Variants in KIF13A observed in about 807,000 individuals in gnomAD.
The protein encoded by KIF13A is kinesin family member 13A, also known as kinesin-like protein KIF13A.
A neutral mutation model predicts 212.2 loss-of-function variants in KIF13A; 79 were observed. That is an observed-to-expected ratio of 0.37 (90% CI 0.31 to 0.45). KIF13A has a LOEUF of 0.45. Among genes scored for constraint, KIF13A ranks in the 20% least tolerant of loss-of-function variants. The probability of loss-of-function intolerance (pLI) is 1.00; values close to 1 mark genes in which losing one functional copy is unlikely to be tolerated. For synonymous variants in KIF13A, 789 were observed against 808.6 expected (o/e 0.98, Z 0.41); for missense variants, 1,901 against 2,209.0 (o/e 0.86, Z 2.79).
At chr6:17,870,164 T>C (rs1001870188) in intron 4 of KIF13A, among the ~76,000 whole-genome samples, 11 of 152,226 alleles carry the variant, frequency 7.2e-5, no homozygotes, top group African/African-American at 2.4e-4. Context: ...AGCATCATAG[T>C]ATTTGTATGA....
chr6:17,975,532 T>C (rs1011194175), intron 2 of KIF13A, among the ~76,000 whole-genome samples: 4 of 152,068 alleles, frequency 2.6e-5, no homozygotes, highest in African/African-American at 7.3e-5. Context: ...ACATAATTCA[T>C]TGCAAAGACC....
At position 17,886,814 on chromosome 6, in the gene KIF13A, A is replaced by AACAACC. The variant is rs1458638966; in HGVS notation, c.159+11348_159+11353dup. On this transcript the variant is annotated intron_variant, in intron 3 of 38. Coordinates refer to ENST00000259711, the MANE Select transcript of KIF13A (RefSeq NM_022113.6). This position sits in a 1 kb window ranked among gnomAD's most constrained non-coding sequence, Gnocchi z 5.6. ...CGAAACTCCATCTCAAAACAACAAC[A>AACAACC]ACAACCACAACTACTAACAACCACC... Among the ~76,000 whole-genome samples, 2 of 151,996 alleles carry AACAACC rather than the reference A, an allele frequency of 1.3e-5. No individual in the cohort carries two copies. Among genetic ancestry groups the AACAACC allele is most frequent in the African/African-American group, 4.8e-5 (2 of 41,380 alleles).
intron 2 of KIF13A, among the ~76,000 whole-genome samples, chr6:17,940,164 TTCC>T (rs145026644): frequency 0.017 from 2,590 of 151,868 alleles, 77 homozygotes; most frequent in African/African-American, 0.059. Context: ...CTTCTTTCCT[TTCC>T]TCCTCCTCCT....
intron 2 of KIF13A, among the ~76,000 whole-genome samples, chr6:17,975,390 A>T (rs1161054796): frequency 6.6e-6 from 1 of 152,122 alleles, no homozygotes; most frequent in East Asian, 1.9e-4. Flanking sequence ...ACAAATCTTA[A>T]GTTGGCGCGT....
intron 2 of KIF13A, among the ~76,000 whole-genome samples, chr6:17,905,723 C>T (rs1005036541): frequency 3.3e-5 from 5 of 152,070 alleles, no homozygotes; most frequent in African/African-American, 1.2e-4. Flanking sequence ...AAATGTTATC[C>T]CAATAGGGGG....
chr6:17,862,352 C>G (rs1218514430), intron 4 of KIF13A, among the ~76,000 whole-genome samples: 2 of 152,116 alleles, frequency 1.3e-5, no homozygotes, highest in Non-Finnish European at 1.5e-5. Flanking sequence ...CAGTATAAAT[C>G]TAGAATATAT....
Position 17,816,995 on chromosome 6 carries a change from G to C in KIF13A, c.2000+25C>G. On this transcript the variant is annotated intron_variant, in intron 17 of 38. Transcript: ENST00000259711. The surrounding 1 kb of genome is among the most constrained non-coding windows in gnomAD (Gnocchi z 4.3). Reference sequence around the variant, plus strand: ...CCCACGGCCTTGGGGCCTTGACTCTGGGCTGCCCCCGCTGCAGTTCTTACC... The same window carrying C: ...CCCACGGCCTTGGGGCCTTGACTCTCGGCTGCCCCCGCTGCAGTTCTTACC... The C allele has an allele frequency of 6.3e-7, 1 of 1,584,112 alleles. No homozygotes were observed. The highest frequency in any genetic ancestry group is 8.6e-7 in the Non-Finnish European group (1 of 1,165,324).
intron 16 of KIF13A, chr6:17,821,821 A>T: frequency 1.3e-6 from 2 of 1,535,326 alleles, no homozygotes; most frequent in Non-Finnish European, 1.7e-6. Flanking sequence ...CTTCGTCTGA[A>T]ACCACATGAG....
intron 2 of KIF13A, among the ~76,000 whole-genome samples, chr6:17,906,028 T>C (rs896059358): frequency 6.6e-6 from 1 of 152,206 alleles, no homozygotes; most frequent in East Asian, 1.9e-4. Context: ...AGGGGTTACA[T>C]AAGCATCTGG....
chr6:17,835,825 T>C (rs1277490937), intron 11 of KIF13A, among the ~76,000 whole-genome samples: 2 of 152,240 alleles, frequency 1.3e-5, no homozygotes, highest in Non-Finnish European at 2.9e-5. Flanking sequence ...ATTAACATAG[T>C]GCCTGGCATG....
chr6:17,931,403 T>C (rs1302105174), intron 2 of KIF13A, among the ~76,000 whole-genome samples: 2 of 152,224 alleles, frequency 1.3e-5, no homozygotes, highest in African/African-American at 4.8e-5. Flanking sequence ...AATGGGGCTA[T>C]TGAGTACCTA....
intron 2 of KIF13A, among the ~76,000 whole-genome samples, chr6:17,924,871 C>T (rs1237264528): frequency 6.6e-6 from 1 of 152,134 alleles, no homozygotes; most frequent in Non-Finnish European, 1.5e-5. Flanking sequence ...GAAATGAAAA[C>T]TTAGCTGATT....
At chr6:17,901,247 G>C (rs1337107098) in intron 2 of KIF13A, among the ~76,000 whole-genome samples, 1 of 152,038 alleles carries the variant, frequency 6.6e-6, no homozygotes. Context: ...TTCTTTGGTA[G>C]TTGTGAAGAA....
intron 4 of KIF13A, among the ~76,000 whole-genome samples, chr6:17,857,038 G>C (rs2150408047): frequency 1.3e-5 from 2 of 152,226 alleles, no homozygotes; most frequent in Non-Finnish European, 2.9e-5. Flanking sequence ...AATAAATGTT[G>C]AAAGAATGAG....
chr6:17,942,065 G>A (rs1230764755), intron 2 of KIF13A, among the ~76,000 whole-genome samples: 1 of 151,912 alleles, frequency 6.6e-6, no homozygotes, highest in Non-Finnish European at 1.5e-5. Flanking sequence ...ATTTTGGGAG[G>A]CTGAGGTGGA....
rs1174680400 is a variant in KIF13A at position 17,968,953 on chromosome 6, C to T, written c.146+18101G>A. Among the ~76,000 whole-genome samples, 2 of 152,142 alleles carry T rather than the reference C, an allele frequency of 1.3e-5. No homozygotes were observed. Among genetic ancestry groups the T allele is most frequent in the African/African-American group, 2.4e-5 (1 of 41,422 alleles). The stretch of plus-strand genomic sequence containing the variant: ...TAGGCACAGCTCTTATAATAAAAGT[C>T]TATATCCATATCTTTCATTATATTC... On this transcript the variant is annotated intron_variant, in intron 2 of 38. Transcript: ENST00000259711. This position sits in a 1 kb window ranked among gnomAD's most constrained non-coding sequence, Gnocchi z 4.7.
chr6:17,785,622 C>A lies in KIF13A; in HGVS notation c.3381G>T (p.Val1127=). 4 of 1,605,890 alleles carry A rather than the reference C, an allele frequency of 2.5e-6. No individual in the cohort carries two copies. Among genetic ancestry groups the A allele is most frequent in the Non-Finnish European group, 3.4e-6 (4 of 1,176,386 alleles). ...GCTCCACAAGCTGGGCTTCCCGCTC[C>A]ACATCGTCCTCTGTTTTCTCTGCAG... ...SNKTEKTEDD[V]EREAQLVEQW... is the part of the protein sequence containing the mutation. The change falls in exon 28 of 39, where the codon GTG becomes GTT. Residue 1127 remains valine (V), a synonymous_variant. Transcript: ENST00000259711. The surrounding 1 kb of genome is among the most constrained non-coding windows in gnomAD (Gnocchi z 5.8).
At chr6:17,943,454 G>A (rs1777121366) in intron 2 of KIF13A, among the ~76,000 whole-genome samples, 1 of 148,806 alleles carries the variant, frequency 6.7e-6, no homozygotes, top group Non-Finnish European at 1.5e-5. Context: ...CACCATGTTG[G>A]CCAGCCTGGT....
In KIF13A at chr6:17,919,893, G is replaced by T. The variant is rs1774899235; in HGVS notation, c.147-21713C>A. On this transcript the variant is annotated intron_variant, in intron 2 of 38. Transcript: ENST00000259711. The surrounding 1 kb of genome is among the most constrained non-coding windows in gnomAD (Gnocchi z 4.1). ...AACAGTGCAGGACCAGTGTTTGAAG[G>T]AATAAGCTCCAGTGATCTGAAAAAT... Among the ~76,000 whole-genome samples the T allele has an allele frequency of 6.6e-6, 1 of 152,180 alleles. No individual in the cohort carries two copies. The highest frequency in any genetic ancestry group is 6.5e-5 in the Admixed American group (1 of 15,268).
Sources: allele counts gnomAD v4.1 joint callset (sites outside exome capture counted in the v4.1 genomes callset), GRCh38; gene constraint gnomAD v4.1.1; non-coding constraint Gnocchi (gnomAD v3.1); transcripts MANE v1.5; gene names NCBI Gene and HGNC (gene_info 2026-07-23, HGNC 2026-07-21).